HDDC2: variants seen among roughly 807,000 people sequenced by gnomAD.
HDDC2 encodes the protein 5'-deoxynucleotidase HDDC2.
HDDC2 carries 25 observed loss-of-function variants against 25.5 expected under a neutral mutation model. The ratio of observed to expected loss-of-function variants is 0.98; its 90% CI spans 0.72 to 1.37. The LOEUF (loss-of-function observed/expected upper bound fraction) is 1.37, where lower values mean the gene tolerates loss of function less well. Ranked by LOEUF, HDDC2 falls within the 40% of genes most tolerant of loss-of-function variation. The pLI is 0.00. For missense variants in HDDC2, 264 were observed against 253.1 expected, an observed-to-expected ratio of 1.04 and a Z score of -0.29; for synonymous variants, 106 against 89.7, an observed-to-expected ratio of 1.18 and a Z score of -1.03.
chr6:125,300,385 AC>A, intron 2 of HDDC2, 152 bp downstream of exon 2: 1 of 885,692 alleles, frequency 1.1e-6, no homozygotes, highest in Non-Finnish European at 1.6e-6. Flanking sequence ...AGGCAACATA[AC>A]CCACATCCTA....
At chr6:125,283,116 C>T (rs2115103892) in intron 4 of HDDC2, among the ~76,000 whole-genome samples, 1 of 152,240 alleles carries the variant, frequency 6.6e-6, no homozygotes, top group African/African-American at 2.4e-5. Flanking sequence ...AATTCAACAC[C>T]TCTTCATGCT....
intron 2 of HDDC2, among the ~76,000 whole-genome samples, chr6:125,299,460 T>C (rs1340773391): frequency 6.6e-6 from 1 of 152,210 alleles, no homozygotes; most frequent in Non-Finnish European, 1.5e-5. Flanking sequence ...GTTATGATTA[T>C]TAGCGGTTAA....
chr6:125,298,181 C>A (rs927816072), intron 3 of HDDC2, among the ~76,000 whole-genome samples: 1 of 151,250 alleles, frequency 6.6e-6, no homozygotes, highest in Non-Finnish European at 1.5e-5. Flanking sequence ...CAAACCTCAG[C>A]ATCACACAAT....
At chr6:125,298,897 A>G (rs994323724) in intron 2 of HDDC2, 81 bp from the exon 3 acceptor site, 3 of 835,422 alleles carry the variant, frequency 3.6e-6, no homozygotes, top group Non-Finnish European at 5.7e-6. Context: ...CCAAAGTTAT[A>G]TAATATATAT....
At chr6:125,294,505 G>A (rs1363237106) in intron 3 of HDDC2, among the ~76,000 whole-genome samples, 2 of 152,148 alleles carry the variant, frequency 1.3e-5, no homozygotes, top group Non-Finnish European at 2.9e-5. Context: ...GAATACTTGA[G>A]AAAATACTTT....
chr6:125,292,857 A>C lies in HDDC2; in HGVS notation c.362T>G (p.Leu121Arg), dbSNP rs200344049. The C allele has an allele frequency of 6.2e-7, 1 of 1,612,746 alleles. No individual in the cohort carries two copies. Among genetic ancestry groups the C allele is most frequent in the African/African-American group, 1.3e-5 (1 of 74,986 alleles). The change falls in exon 4 of 6, where the codon CTC (leucine) becomes CGC (arginine). Residue 121 changes from leucine to arginine, a missense_variant. Physicochemically the swap from Leu to Arg is moderately radical, Grantham distance 102 (BLOSUM62 -2). Coordinates refer to ENST00000398153, the MANE Select transcript of HDDC2 (RefSeq NM_016063.3). ...TATACTTACTTCCCAAAGTTCATAG[A>C]GCTCCTTTCTGAGGTCCTCTGGTAG... ...QLLPEDLRKE[L>R]YELWEEYETQ...
intron 1 of HDDC2, 83 bp downstream of exon 1, chr6:125,301,766 C>G (rs1262066556): frequency 9.7e-7 from 1 of 1,034,414 alleles, no homozygotes; most frequent in Non-Finnish European, 1.4e-6. Flanking sequence ...CAAAGACCGC[C>G]GGCCGAGCGG....
rs1038315039 is a variant in HDDC2 at position 125,275,824 on chromosome 6, G to A, written c.*322C>T. 3.9e-6 allele frequency: 1 copy of A among 258,318 alleles called. No individual in the cohort carries two copies. Among genetic ancestry groups the A allele is most frequent in the African/African-American group, 2.2e-5 (1 of 45,098 alleles). 16.0% of individuals were successfully genotyped at this position (258,318 alleles called of 1,614,324 possible). On this transcript the variant is annotated 3_prime_UTR_variant, in exon 6 of 6. Coordinates refer to ENST00000398153, the MANE Select transcript of HDDC2 (RefSeq NM_016063.3). ...TTATTCAATGAACCTAGCCTTCGGG[G>A]ATATCGGTAATTAAGTCAGAATAAG...
intron 4 of HDDC2, among the ~76,000 whole-genome samples, chr6:125,282,789 C>CAA (rs1798478067): frequency 6.6e-6 from 1 of 152,106 alleles, no homozygotes; most frequent in Non-Finnish European, 1.5e-5. Context: ...CGAAGACACA[C>CAA]ACAGGCTCAA....
chr6:125,283,423 T>C (rs550117047), intron 4 of HDDC2, among the ~76,000 whole-genome samples: 15 of 152,332 alleles, frequency 9.8e-5, no homozygotes, highest in African/African-American at 3.6e-4. Context: ...AACCCCATTG[T>C]CTCAGCCCCA....
intron 4 of HDDC2, among the ~76,000 whole-genome samples, chr6:125,283,113 C>T (rs923733777): frequency 2.2e-4 from 34 of 152,160 alleles, no homozygotes; most frequent in Admixed American, 8.5e-4. Context: ...TAAAATTCAA[C>T]ACCTCTTCAT....
intron 4 of HDDC2, among the ~76,000 whole-genome samples, chr6:125,283,739 C>T (rs1200101943): frequency 6.6e-6 from 1 of 152,096 alleles, no homozygotes; most frequent in African/African-American, 2.4e-5. Context: ...GCCATACTGC[C>T]CAAAGTAATT....
At chr6:125,299,705 C>T (rs1030860887) in intron 2 of HDDC2, among the ~76,000 whole-genome samples, 1 of 152,198 alleles carries the variant, frequency 6.6e-6, no homozygotes, top group African/African-American at 2.4e-5. Context: ...TGCCAAAAAC[C>T]TCCTCAGTTC....
chr6:125,292,674 TC>T (rs1798648640), intron 4 of HDDC2, among the ~76,000 whole-genome samples, 166 bp downstream of exon 4: 1 of 151,950 alleles, frequency 6.6e-6, no homozygotes, highest in African/African-American at 2.4e-5. Flanking sequence ...AAAATTTCTA[TC>T]CATCAGGAGA....
chr6:125,298,947 T>C, intron 2 of HDDC2, 131 bp from the exon 3 acceptor site: 1 of 585,540 alleles, frequency 1.7e-6, no homozygotes, highest in South Asian at 2.7e-5. Flanking sequence ...AATGTAGTAT[T>C]TTCTAAAGTA....
At chr6:125,301,486 A>ACACACGCG (rs371871069) in intron 1 of HDDC2, among the ~76,000 whole-genome samples, 14,127 of 147,138 alleles carry the variant, frequency 0.096, 822 homozygotes, top group Middle Eastern at 0.15. Flanking sequence ...TCGTGAGCAC[A>ACACACGCG]CACACACACA....
rs1404474591 is a variant in HDDC2, at chr6:125,276,879, CTG to C, written c.517+221_517+222del. 5.6e-6 allele frequency: 3 copies of C among 537,496 alleles called. No individual in the cohort carries two copies. The African/African-American group carries it at 5.7e-5, about 10-fold the overall frequency. 33.3% of individuals were successfully genotyped at this position (537,496 alleles called of 1,614,324 possible). A position where few individuals can be genotyped will look rare whatever the true frequency, so the allele number is the denominator to read the frequency against. On this transcript the variant is annotated intron_variant, in intron 5 of 5. Coordinates refer to ENST00000398153, the MANE Select transcript of HDDC2 (RefSeq NM_016063.3). ...CTCTTCTCTCACCGTCTTTTCTTGCCTGTGTCTGTTGTTGCTTACTGTTCATT... is the reference window on the plus strand; with the variant it reads ...CTCTTCTCTCACCGTCTTTTCTTGCCTGTCTGTTGTTGCTTACTGTTCATT...
intron 3 of HDDC2, among the ~76,000 whole-genome samples, chr6:125,293,845 A>G (rs530840611): frequency 2.4e-4 from 36 of 152,320 alleles, no homozygotes; most frequent in African/African-American, 7.9e-4. Flanking sequence ...GCATTTGTCA[A>G]GCAGAGGCTA....
intron 4 of HDDC2, among the ~76,000 whole-genome samples, chr6:125,292,310 C>T (rs1798644330): frequency 1.3e-5 from 2 of 152,152 alleles, no homozygotes. Flanking sequence ...AGCCTAACCT[C>T]CCTTCACTGT....
Sources: allele counts gnomAD v4.1 joint callset (sites outside exome capture counted in the v4.1 genomes callset), GRCh38; gene constraint gnomAD v4.1.1; transcripts MANE v1.5; gene names NCBI Gene and HGNC (gene_info 2026-07-23, HGNC 2026-07-21).